RFX2: variants seen among roughly 807,000 people sequenced by gnomAD.
RFX2 encodes DNA-binding protein RFX2.
Under a neutral mutation model 87.8 loss-of-function variants are expected in RFX2, and 20 were observed. The ratio of observed to expected loss-of-function variants is 0.23; its 90% CI spans 0.16 to 0.33. The LOEUF (loss-of-function observed/expected upper bound fraction) is 0.33, where lower values mean the gene tolerates loss of function less well. Among genes scored for constraint, RFX2 ranks in the 10% least tolerant of loss-of-function variants. RFX2 has a pLI of 1.00. For missense variants in RFX2, 767 were observed against 1,012.3 expected, an observed-to-expected ratio of 0.76 and a Z score of 3.29; for synonymous variants, 397 against 431.3, an observed-to-expected ratio of 0.92 and a Z score of 0.98.
Position 6,012,469 on chromosome 19 carries a change from A to C in RFX2, c.899+517T>G, listed in dbSNP as rs1477681388. ...GGAGGATGTGTAGGACTGTGAAAGG[A>C]CTCTGCGTGACACTGTGATGGGGGA... On this transcript the variant is annotated intron_variant, in intron 8 of 17. Transcript: ENST00000303657. This position sits in a 1 kb window ranked among gnomAD's most constrained non-coding sequence, Gnocchi z 4.6. Among the ~76,000 whole-genome samples, 4 of 151,910 alleles carry C rather than the reference A, an allele frequency of 2.6e-5. No homozygotes were observed. Among genetic ancestry groups the C allele is most frequent in the Admixed American group, 6.6e-5 (1 of 15,250 alleles).
intron 1 of RFX2, among the ~76,000 whole-genome samples, chr19:6,093,987 G>A (rs2087983855): frequency 6.6e-6 from 1 of 152,110 alleles, no homozygotes; most frequent in Non-Finnish European, 1.5e-5. Context: ...TCTTTTTGGG[G>A]TGATGACTCT....
rs1599874690 is a variant in RFX2, at chr19:6,039,949, A to G, written c.522+31T>C. 1 of 1,519,446 alleles carries G rather than the reference A, an allele frequency of 6.6e-7. No homozygotes were observed. Among genetic ancestry groups the G allele is most frequent in the East Asian group, 2.5e-5 (1 of 40,262 alleles). 94.1% of individuals were successfully genotyped at this position (1,519,446 alleles called of 1,614,324 possible). ...GCTGCTTCGAGAATACTCATGGCCTACCCTGCTGGTCCCAAGAGCCTCCTA... is the reference window on the plus strand; with the variant it reads ...GCTGCTTCGAGAATACTCATGGCCTGCCCTGCTGGTCCCAAGAGCCTCCTA... On this transcript the variant is annotated intron_variant, in intron 5 of 17. Transcript: ENST00000303657. This position sits in a 1 kb window ranked among gnomAD's most constrained non-coding sequence, Gnocchi z 5.2.
chr19:6,028,214 A>C (rs970802718), intron 5 of RFX2, among the ~76,000 whole-genome samples: 68 of 151,538 alleles, frequency 4.5e-4, no homozygotes, highest in Middle Eastern at 3.4e-3. Flanking sequence ...TAAAAAAAAA[A>C]ACAACAAAAC....
At chr19:6,096,782 A>G (rs2088035472) in intron 1 of RFX2, among the ~76,000 whole-genome samples, 1 of 152,210 alleles carries the variant, frequency 6.6e-6, no homozygotes, top group South Asian at 2.1e-4. Context: ...CATTAATAAA[A>G]TATGAGTTCA....
intron 5 of RFX2, among the ~76,000 whole-genome samples, chr19:6,028,671 A>T (rs2144739054): frequency 6.6e-6 from 1 of 152,312 alleles, no homozygotes; most frequent in African/African-American, 2.4e-5. Flanking sequence ...TCTGGAAATG[A>T]ATTAAAAGAT....
rs1269778413 is a variant in RFX2, at chr19:6,074,724, C to A, written c.-8-27220G>T. ...GCATGGGCCAGGGGCAACAAGGTGA[C>A]CTGGGGCAGTGACAGGACAGAGGCA... is the stretch of plus-strand genomic sequence containing the variant. On this transcript the variant is annotated intron_variant, in intron 1 of 17. Transcript: ENST00000303657. This position sits in a 1 kb window ranked among gnomAD's most constrained non-coding sequence, Gnocchi z 5.2. Among the ~76,000 whole-genome samples, 2 of 152,136 alleles carry A rather than the reference C, an allele frequency of 1.3e-5. No individual in the cohort carries two copies. Among genetic ancestry groups the A allele is most frequent in the Non-Finnish European group, 2.9e-5 (2 of 68,014 alleles).
At chr19:6,082,004 C>G (rs949705859) in intron 1 of RFX2, among the ~76,000 whole-genome samples, 1 of 152,048 alleles carries the variant, frequency 6.6e-6, no homozygotes, top group Non-Finnish European at 1.5e-5. Flanking sequence ...AGGAGAATGG[C>G]GTGAACCTGG....
chr19:6,059,615 C>T lies in RFX2; in HGVS notation c.-8-12111G>A, dbSNP rs76838902. On this transcript the variant is annotated intron_variant, in intron 1 of 17. Transcript: ENST00000303657. Reference sequence around the variant, plus strand: ...GGCCGAGCAGCAGCTGGTGCTCTGTCCCCCAGGAGTGGATATCTGTCCCCC... The same window carrying T: ...GGCCGAGCAGCAGCTGGTGCTCTGTTCCCCAGGAGTGGATATCTGTCCCCC... Among the ~76,000 whole-genome samples, 15 of 152,154 alleles carry T rather than the reference C, an allele frequency of 9.9e-5. No individual in the cohort carries two copies. In the East Asian group the frequency reaches 2.9e-3, roughly 29 times the overall value.
At chr19:6,073,569 T>A (rs1322484879) in intron 1 of RFX2, 4 of 408,308 alleles carry the variant, frequency 9.8e-6, no homozygotes, top group Non-Finnish European at 1.7e-5. Context: ...AATAAAACCA[T>A]AAAAACTGCA....
rs1040907691 is a variant in RFX2, at chr19:6,047,136, G to C, written c.90+271C>G. 2.0e-5 allele frequency among the ~76,000 whole-genome samples: 3 copies of C among 152,140 alleles called. No homozygotes were observed. Among genetic ancestry groups the C allele is most frequent in the Admixed American group, 2.0e-4 (3 of 15,264 alleles). ...TTCCAAGTACAAGAAAACCTCCACTGAAAGCTAAGAAGAGATCAAGTCAGA... is the reference window on the plus strand; with the variant it reads ...TTCCAAGTACAAGAAAACCTCCACTCAAAGCTAAGAAGAGATCAAGTCAGA... On this transcript the variant is annotated intron_variant, in intron 2 of 17. Coordinates refer to ENST00000303657, the MANE Select transcript of RFX2 (RefSeq NM_000635.4). The surrounding 1 kb of genome is among the most constrained non-coding windows in gnomAD (Gnocchi z 4.2).
chr19:6,076,213 G>A (rs1000960270), intron 1 of RFX2, among the ~76,000 whole-genome samples: 5 of 152,128 alleles, frequency 3.3e-5, no homozygotes, highest in African/African-American at 1.2e-4. Context: ...GCGTGGTGGT[G>A]CATGCCTGTA....
chr19:6,070,812 A>G (rs1292742132), intron 1 of RFX2, among the ~76,000 whole-genome samples: 2 of 152,200 alleles, frequency 1.3e-5, no homozygotes, highest in East Asian at 3.8e-4. Flanking sequence ...CAGCCCAGTG[A>G]TTGTCCTGCC....
intron 15 of RFX2, among the ~76,000 whole-genome samples, chr19:6,000,862 C>G (rs778645498): frequency 6.6e-6 from 1 of 152,256 alleles, no homozygotes; most frequent in Non-Finnish European, 1.5e-5. Flanking sequence ...CGCTGGGTCA[C>G]GTGGGGCCTG....
chr19:6,071,406 G>A (rs1408019022), intron 1 of RFX2, among the ~76,000 whole-genome samples: 1 of 152,102 alleles, frequency 6.6e-6, no homozygotes, highest in Admixed American at 6.6e-5. Context: ...CTATCTTTGA[G>A]GCACAGACAT....
intron 1 of RFX2, among the ~76,000 whole-genome samples, chr19:6,072,416 A>G (rs2087620348): frequency 6.6e-6 from 1 of 152,176 alleles, no homozygotes; most frequent in Non-Finnish European, 1.5e-5. Context: ...AAAGATAAAT[A>G]TTTGGGCCAG....
intron 13 of RFX2, among the ~76,000 whole-genome samples, 192 bp from the exon 14 acceptor site, chr19:6,003,062 C>T (rs746835808): frequency 1.1e-4 from 16 of 152,124 alleles, no homozygotes; most frequent in Non-Finnish European, 7.4e-5. Flanking sequence ...GAGGAGACCT[C>T]GCCGGCACAT....
chr19:6,026,025 TCCA>T lies in RFX2; in HGVS notation c.597+135_597+137del. The T allele has an allele frequency of 3.0e-6, 2 of 665,398 alleles. No homozygotes were observed. Among genetic ancestry groups the T allele is most frequent in the Non-Finnish European group, 5.3e-6 (2 of 376,046 alleles). The allele number at this position is 665,398 out of a possible 1,614,324, so 41.2% of individuals were successfully genotyped here. A position where few individuals can be genotyped will look rare whatever the true frequency, so the allele number is the denominator to read the frequency against. On this transcript the variant is annotated intron_variant, in intron 6 of 17. Transcript: ENST00000303657. This position sits in a 1 kb window ranked among gnomAD's most constrained non-coding sequence, Gnocchi z 4.5. ...GTCTCAAACTCCTGACTTCAAGTGA[TCCA>T]CCCGCCTTGGCCTCCCAAAGTGCTG... is the stretch of plus-strand genomic sequence containing the variant.
chr19:6,029,962 A>G (rs969117169), intron 5 of RFX2, among the ~76,000 whole-genome samples: 7 of 152,234 alleles, frequency 4.6e-5, no homozygotes, highest in African/African-American at 1.7e-4. Flanking sequence ...AAAAGAATGA[A>G]GAAAAATGAG....
In RFX2 at chr19:6,012,679, G is replaced by T. The variant is rs999568315; in HGVS notation, c.899+307C>A. 4.6e-5 allele frequency among the ~76,000 whole-genome samples: 7 copies of T among 152,124 alleles called. No individual in the cohort carries two copies. The highest frequency in any genetic ancestry group is 8.8e-5 in the Non-Finnish European group (6 of 68,012). ...GGTGGGGAGCGGGGCTGGGGGTGTA[G>T]AACAACTCTCTGTACTTTCTACTCA... On this transcript the variant is annotated intron_variant, in intron 8 of 17. Coordinates refer to ENST00000303657, the MANE Select transcript of RFX2 (RefSeq NM_000635.4). This position sits in a 1 kb window ranked among gnomAD's most constrained non-coding sequence, Gnocchi z 4.6.
Sources: allele counts gnomAD v4.1 joint callset (sites outside exome capture counted in the v4.1 genomes callset), GRCh38; gene constraint gnomAD v4.1.1; non-coding constraint Gnocchi (gnomAD v3.1); transcripts MANE v1.5; gene names NCBI Gene and HGNC (gene_info 2026-07-23, HGNC 2026-07-21).